The following PPP2R2B variants were observed in gnomAD, a reference collection of about 807,000 sequenced individuals.
The protein encoded by PPP2R2B is protein phosphatase 2 regulatory subunit Bbeta, also known as serine/threonine-protein phosphatase 2A 55 kDa regulatory subunit B beta isoform.
In PPP2R2B, 5 loss-of-function variants were observed where a neutral mutation model predicts 46.0. That is an observed-to-expected ratio of 0.11 (90% confidence interval 0.06 to 0.23). The LOEUF is 0.23. PPP2R2B is among the 10% of genes least tolerant of loss of function. The probability of loss-of-function intolerance (pLI) is 1.00; values close to 1 mark genes in which losing one functional copy is unlikely to be tolerated. For synonymous variants in PPP2R2B, 215 were observed against 206.7 expected, an observed-to-expected ratio of 1.04 and a Z score of -0.34; for missense variants, 367 against 575.0, an observed-to-expected ratio of 0.64 and a Z score of 3.70.
intron 2 of PPP2R2B, among the ~76,000 whole-genome samples, chr5:146,777,173 C>A (rs1755236923): frequency 6.6e-6 from 1 of 152,030 alleles, no homozygotes; most frequent in South Asian, 2.1e-4. Flanking sequence ...TACTTATATA[C>A]CAATGTTCAT....
At chr5:146,710,058 C>A (rs17105194) in intron 2 of PPP2R2B, among the ~76,000 whole-genome samples, 31,977 of 152,054 alleles carry the variant, frequency 0.21, 3,512 homozygotes, top group East Asian at 0.36. Context: ...TTGCTTGATT[C>A]CTAGTATTAA....
chr5:146,693,071 G>A (rs1052830424), intron 4 of PPP2R2B, among the ~76,000 whole-genome samples: 2 of 152,130 alleles, frequency 1.3e-5, no homozygotes, highest in South Asian at 2.1e-4. Context: ...ACATGTCCAA[G>A]GACGGGGATT....
intron 5 of PPP2R2B, among the ~76,000 whole-genome samples, chr5:146,687,743 T>C (rs940574714): frequency 6.6e-6 from 1 of 152,202 alleles, no homozygotes; most frequent in East Asian, 1.9e-4. Flanking sequence ...AAGGCTATCT[T>C]CTATGAAAGA....
chr5:147,061,951 TTTTG>T (rs376488773), intron 2 of PPP2R2B, among the ~76,000 whole-genome samples: 6 of 152,136 alleles, frequency 3.9e-5, no homozygotes, highest in South Asian at 2.1e-4. Context: ...GCAACAGGAT[TTTTG>T]TTTGTTTGTT....
chr5:146,698,421 T>C (rs1779333967), intron 3 of PPP2R2B, among the ~76,000 whole-genome samples: 1 of 144,872 alleles, frequency 6.9e-6, no homozygotes, highest in South Asian at 2.2e-4. Flanking sequence ...TACATAGAAA[T>C]ATTAAAATAG....
intron 2 of PPP2R2B, among the ~76,000 whole-genome samples, chr5:146,813,303 A>AT (rs1349604667): frequency 1.3e-5 from 2 of 152,036 alleles, no homozygotes; most frequent in Non-Finnish European, 2.9e-5. Flanking sequence ...TACACCAACA[A>AT]TTTTGGAGTT....
intron 2 of PPP2R2B, among the ~76,000 whole-genome samples, chr5:146,832,191 T>C (rs946656345): frequency 9.9e-5 from 15 of 152,094 alleles, no homozygotes; most frequent in Non-Finnish European, 1.8e-4. Flanking sequence ...GCTTAACTTA[T>C]TATTGAAGAA....
intron 8 of PPP2R2B, among the ~76,000 whole-genome samples, chr5:146,597,885 C>T (rs1771346940): frequency 6.6e-6 from 1 of 152,134 alleles, no homozygotes; most frequent in Non-Finnish European, 1.5e-5. Flanking sequence ...TGCATCTTAC[C>T]ATCTACAGCC....
At chr5:146,933,644 C>A (rs879300304) in intron 1 of PPP2R2B, among the ~76,000 whole-genome samples, 1 of 151,448 alleles carries the variant, frequency 6.6e-6, no homozygotes, top group Non-Finnish European at 1.5e-5. Flanking sequence ...TGTGACCTAT[C>A]GTGACAAACG....
chr5:146,654,730 G>A lies in PPP2R2B; in HGVS notation c.448-4006C>T, dbSNP rs540193368. ...GGTAGTTCTTGAAATCTACAGATGAGGTCATTGAGGTCTGAGAGGTTAAGC... is the reference window on the plus strand; with the variant it reads ...GGTAGTTCTTGAAATCTACAGATGAAGTCATTGAGGTCTGAGAGGTTAAGC... On this transcript the variant is annotated intron_variant, in intron 5 of 9. Transcript: ENST00000394411. 5.3e-5 allele frequency among the ~76,000 whole-genome samples: 8 copies of A among 152,276 alleles called. No individual in the cohort carries two copies. In the South Asian group the frequency reaches 1.7e-3, roughly 32 times the overall value.
At chr5:147,078,076 T>C (rs1052226281) in intron 2 of PPP2R2B, among the ~76,000 whole-genome samples, 3 of 152,232 alleles carry the variant, frequency 2.0e-5, no homozygotes, top group Admixed American at 6.5e-5. Context: ...CCTTTGGCAA[T>C]GTACTTAATA....
At chr5:146,601,233 C>A (rs1771753414) in intron 7 of PPP2R2B, among the ~76,000 whole-genome samples, 1 of 152,100 alleles carries the variant, frequency 6.6e-6, no homozygotes, top group African/African-American at 2.4e-5. Context: ...AATAACACTG[C>A]TATGATTATA....
intron 1 of PPP2R2B, among the ~76,000 whole-genome samples, chr5:146,907,051 CT>C (rs1763024652): frequency 6.6e-6 from 1 of 152,104 alleles, no homozygotes; most frequent in African/African-American, 2.4e-5. Flanking sequence ...GGCTCCTTGG[CT>C]GATTGTGGTG....
intron 7 of PPP2R2B, among the ~76,000 whole-genome samples, chr5:146,635,046 G>A (rs953410172): frequency 1.3e-5 from 2 of 152,162 alleles, no homozygotes; most frequent in African/African-American, 4.8e-5. Flanking sequence ...GATAACTGCT[G>A]CCGTCATTTA....
intron 6 of PPP2R2B, among the ~76,000 whole-genome samples, chr5:146,641,523 T>C (rs1775214823): frequency 1.4e-5 from 1 of 73,274 alleles, no homozygotes; most frequent in Non-Finnish European, 3.3e-5. Flanking sequence ...TTTTTTTTTT[T>C]TTTTTTGAAG....
intron 2 of PPP2R2B, among the ~76,000 whole-genome samples, chr5:146,705,935 T>C (rs1011697976): frequency 6.9e-6 from 1 of 145,658 alleles, no homozygotes; most frequent in East Asian, 2.0e-4. Flanking sequence ...TCTTTTCTCT[T>C]TTTTTTTTTT....
intron 1 of PPP2R2B, among the ~76,000 whole-genome samples, chr5:146,890,819 A>G (rs1159601419): frequency 6.6e-6 from 1 of 152,212 alleles, no homozygotes; most frequent in African/African-American, 2.4e-5. Context: ...GCCCTGAGCC[A>G]TGACTTTAAC....
Position 146,937,441 on chromosome 5 carries a change from TG to T in PPP2R2B, c.79+118223del, listed in dbSNP as rs1469698922. Among the ~76,000 whole-genome samples, 5 of 152,052 alleles carry T rather than the reference TG, an allele frequency of 3.3e-5. No individual in the cohort carries two copies. The East Asian group carries it at 9.7e-4, about 29-fold the overall frequency. On this transcript the variant is annotated intron_variant, in intron 1 of 8. Transcript: ENST00000336640. ...CTCCACACTCCTCACAGTCTGTCAGTGGGTTACTTTGATATGTGTTATTAAG... is the reference window on the plus strand; with the variant it reads ...CTCCACACTCCTCACAGTCTGTCAGTGGTTACTTTGATATGTGTTATTAAG...
intron 6 of PPP2R2B, among the ~76,000 whole-genome samples, chr5:146,646,632 C>G (rs888209588): frequency 6.6e-6 from 1 of 152,168 alleles, no homozygotes; most frequent in East Asian, 1.9e-4. Context: ...CATTTAGTAA[C>G]TAGGGGGCAG....
Sources: gnomAD v4.1 joint callset for allele counts (sites outside exome capture counted in the v4.1 genomes callset) on GRCh38, gnomAD v4.1.1 for gene constraint, MANE v1.5 for transcripts, NCBI Gene and HGNC (gene_info 2026-07-23, HGNC 2026-07-21) for gene names.